Variants in CHRM3 observed in about 807,000 individuals in gnomAD.
CHRM3 encodes muscarinic acetylcholine receptor M3.
Under a neutral mutation model 41.8 loss-of-function variants are expected in CHRM3, and 11 were observed. That is an observed-to-expected ratio of 0.26 (90% CI 0.17 to 0.44). The LOEUF is 0.44. Among genes scored for constraint, CHRM3 ranks in the 20% least tolerant of loss-of-function variants. The pLI, the probability that CHRM3 is intolerant of heterozygous loss-of-function variation, is 1.00. For synonymous variants in CHRM3, 297 were observed against 301.4 expected (o/e 0.99, Z 0.15); for missense variants, 571 against 745.4 (o/e 0.77, Z 2.72).
chr1:239,409,898 G>A (rs887027697), intron 1 of CHRM3, among the ~76,000 whole-genome samples: 3 of 152,238 alleles, frequency 2.0e-5, no homozygotes, highest in Non-Finnish European at 2.9e-5. Context: ...CCTAGATCGC[G>A]CCACTGCACT....
chr1:239,541,671 C>G (rs1027336903), intron 2 of CHRM3, among the ~76,000 whole-genome samples: 1 of 152,032 alleles, frequency 6.6e-6, no homozygotes, highest in African/African-American at 2.4e-5. Context: ...GCCACTGCGC[C>G]AGGCTAATTT....
chr1:239,648,933 A>G (rs1671996412), intron 4 of CHRM3, among the ~76,000 whole-genome samples: 1 of 152,176 alleles, frequency 6.6e-6, no homozygotes, highest in Non-Finnish European at 1.5e-5. Flanking sequence ...ACATATATCC[A>G]TAGTCTTATT....
intron 2 of CHRM3, among the ~76,000 whole-genome samples, chr1:239,543,268 T>TG (rs1473198994): frequency 1.3e-5 from 2 of 152,174 alleles, no homozygotes; most frequent in Non-Finnish European, 2.9e-5. Context: ...ACATGAAGTG[T>TG]GGCTGAGTCT....
chr1:239,712,215 A>G (rs534695779), intron 5 of CHRM3, among the ~76,000 whole-genome samples: 4 of 152,196 alleles, frequency 2.6e-5, no homozygotes, highest in African/African-American at 9.6e-5. Context: ...TGTCCCAGTT[A>G]TCTTGGTCCC....
At chr1:239,458,157 G>A (rs754365135) in intron 1 of CHRM3, among the ~76,000 whole-genome samples, 9 of 152,198 alleles carry the variant, frequency 5.9e-5, no homozygotes, top group African/African-American at 1.2e-4. Flanking sequence ...TAAGAAAAGA[G>A]TAGAATGTAT....
chr1:239,497,679 G>T, intron 2 of CHRM3, among the ~76,000 whole-genome samples: 1 of 152,216 alleles, frequency 6.6e-6, no homozygotes, highest in East Asian at 1.9e-4. Context: ...GAAGTATAAA[G>T]CCAGGGAAGA....
intron 6 of CHRM3, among the ~76,000 whole-genome samples, chr1:239,840,665 T>C (rs919319201): frequency 5.9e-5 from 9 of 152,188 alleles, no homozygotes; most frequent in Non-Finnish European, 1.3e-4. Flanking sequence ...GAAAATGCTT[T>C]AAAGATCTCA....
intron 3 of CHRM3, among the ~76,000 whole-genome samples, chr1:239,615,824 T>A (rs1032717179): frequency 6.6e-6 from 1 of 151,938 alleles, no homozygotes; most frequent in African/African-American, 2.4e-5. Flanking sequence ...ATGCGGCGGG[T>A]GTTTCTTCCT....
chr1:239,435,719 C>T (rs968035953), intron 1 of CHRM3, among the ~76,000 whole-genome samples: 4 of 151,952 alleles, frequency 2.6e-5, no homozygotes, highest in Non-Finnish European at 2.9e-5. Flanking sequence ...CAAATTCCAC[C>T]GTGTTAATAC....
chr1:239,646,439 G>A (rs16832149), intron 4 of CHRM3, among the ~76,000 whole-genome samples: 4,194 of 152,246 alleles, frequency 0.028, 91 homozygotes, highest in Admixed American at 0.057. Flanking sequence ...TTGTTAGCAC[G>A]TTTGGATGCT....
chr1:239,449,087 C>T (rs112630930), intron 1 of CHRM3, among the ~76,000 whole-genome samples: 16 of 152,180 alleles, frequency 1.1e-4, no homozygotes, highest in African/African-American at 3.4e-4. Context: ...TGAAAGGTAG[C>T]AATGATGGGT....
At chr1:239,489,181 A>G (rs527694656) in intron 1 of CHRM3, among the ~76,000 whole-genome samples, 1 of 152,310 alleles carries the variant, frequency 6.6e-6, no homozygotes, top group South Asian at 2.1e-4. Flanking sequence ...TGGGAGGCCA[A>G]GGCAGGCAGA....
intron 2 of CHRM3, among the ~76,000 whole-genome samples, chr1:239,510,972 T>C (rs1206366239): frequency 6.6e-6 from 1 of 152,016 alleles, no homozygotes; most frequent in East Asian, 1.9e-4. Flanking sequence ...AAGAACAAAA[T>C]GAGACTACAG....
intron 1 of CHRM3, among the ~76,000 whole-genome samples, chr1:239,480,741 G>C (rs1043956124): frequency 6.6e-6 from 1 of 151,756 alleles, no homozygotes; most frequent in Non-Finnish European, 1.5e-5. Context: ...TACTTTTTTA[G>C]TAGAGACAGA....
intron 1 of CHRM3, among the ~76,000 whole-genome samples, chr1:239,466,796 C>A (rs1558244288): frequency 6.6e-6 from 1 of 152,012 alleles, no homozygotes; most frequent in East Asian, 1.9e-4. Flanking sequence ...GATTACATAT[C>A]TATTAAACTT....
chr1:239,742,969 T>G (rs1471992641), intron 5 of CHRM3, among the ~76,000 whole-genome samples: 3 of 152,300 alleles, frequency 2.0e-5, no homozygotes, highest in African/African-American at 7.2e-5. Context: ...GCTACCAGGT[T>G]TATAATTTAT....
chr1:239,662,912 T>TCTTCTTCTTCTTCTTCTTCTC lies in CHRM3; in HGVS notation c.-249-15271_-249-15251dup, dbSNP rs1673387360. On this transcript the variant is annotated intron_variant, in intron 4 of 6. Coordinates refer to ENST00000676153, the MANE Select transcript of CHRM3 (RefSeq NM_001375978.1). ...CTCCTCCTCTTCTTCTTCTTCTTCT[T>TCTTCTTCTTCTTCTTCTTCTC]CTTCTTCTTCTTCTTCTTCTCCTCT... 5.5e-4 allele frequency among the ~76,000 whole-genome samples: 58 copies of TCTTCTTCTTCTTCTTCTTCTC among 105,300 alleles called. 2 individuals are homozygous for TCTTCTTCTTCTTCTTCTTCTC. Among genetic ancestry groups the TCTTCTTCTTCTTCTTCTTCTC allele is most frequent in the Middle Eastern group, 4.2e-3 (1 of 240 alleles). 69.1% of individuals were successfully genotyped at this position (105,300 alleles called of 152,430 possible). A position where few individuals can be genotyped will look rare whatever the true frequency, so the allele number is the denominator to read the frequency against.
At chr1:239,523,568 T>C (rs191589312) in intron 2 of CHRM3, among the ~76,000 whole-genome samples, 2 of 152,350 alleles carry the variant, frequency 1.3e-5, no homozygotes, top group African/African-American at 4.8e-5. Flanking sequence ...ATGTTTTACG[T>C]TGTTTCTTGA....
intron 4 of CHRM3, among the ~76,000 whole-genome samples, chr1:239,668,058 T>C (rs1214196694): frequency 6.7e-6 from 1 of 150,284 alleles, no homozygotes; most frequent in African/African-American, 2.4e-5. Context: ...TAAGGTCAAA[T>C]ACACTTTTTC....
Sources: allele counts gnomAD v4.1 joint callset (sites outside exome capture counted in the v4.1 genomes callset), GRCh38; gene constraint gnomAD v4.1.1; transcripts MANE v1.5; gene names NCBI Gene and HGNC (gene_info 2026-07-23, HGNC 2026-07-21).